The following ATP11C variants were observed in gnomAD, a reference collection of about 807,000 sequenced individuals.
ATP11C encodes the protein phospholipid-transporting ATPase IG.
Under a neutral mutation model 97.4 loss-of-function variants are expected in ATP11C, and 36 were observed. The ratio of observed to expected loss-of-function variants is 0.37; its 90% CI spans 0.28 to 0.49. The LOEUF is 0.49. Among genes scored for constraint, ATP11C ranks in the 20% least tolerant of loss-of-function variants. The pLI is 0.98. For missense variants in ATP11C, 730 were observed against 824.6 expected, an observed-to-expected ratio of 0.89 and a Z score of 1.40; for synonymous variants, 275 against 290.9, an observed-to-expected ratio of 0.95 and a Z score of 0.56.
chrX:139,775,042 T>C, intron 18 of ATP11C, 89 bp from the exon 19 acceptor site: 1 of 949,526 alleles, frequency 1.1e-6, no homozygotes, highest in South Asian at 2.8e-5. Flanking sequence ...TTTTTATAAT[T>C]CACAGCAATT....
rs779081002 is a variant in ATP11C at position 139,787,243 on chromosome X, A to G, written c.1522T>C (p.Tyr508His). The G allele has an allele frequency of 2.6e-6, 3 of 1,160,427 alleles. No homozygotes were observed. The East Asian group carries it at 9.1e-5, about 35-fold the overall frequency. The change falls in exon 15 of 30, where the codon TAC becomes CAC. Residue 508 changes from tyrosine (Y) to histidine (H), a missense_variant and splice_region_variant. Physicochemically the swap from Tyr to His is moderately conservative, Grantham distance 83 (BLOSUM62 2). Transcript: ENST00000682941. The part of the protein sequence containing the change: ...EIALVKGAKR[Y>H]GFTFLGNRNG... ...CGATTTCCTAAAAATGTGAACCCGTACCTATCAAAAACAATAAAAAAGACC... is the reference window on the plus strand; with the variant it reads ...CGATTTCCTAAAAATGTGAACCCGTGCCTATCAAAAACAATAAAAAAGACC...
chrX:139,900,655 C>T (rs1309100973), intron 1 of ATP11C, among the ~76,000 whole-genome samples: 1 of 111,869 alleles, frequency 8.9e-6, no homozygotes, highest in African/African-American at 3.2e-5. Context: ...AGCTTGTTTA[C>T]ATTCCGGGTA....
chrX:139,756,588 T>C (rs940991274), intron 23 of ATP11C, among the ~76,000 whole-genome samples: 1 of 111,653 alleles, frequency 9.0e-6, no homozygotes, highest in African/African-American at 3.3e-5. Context: ...CCATCAATGG[T>C]AGACTGGATA....
At chrX:139,769,677 C>T (rs952206549) in intron 19 of ATP11C, among the ~76,000 whole-genome samples, 2 of 110,737 alleles carry the variant, frequency 1.8e-5, no homozygotes, top group African/African-American at 3.3e-5. Flanking sequence ...AGTTTTGCTC[C>T]GGGGAATCTT....
chrX:139,924,045 G>A (rs1321535637), intron 1 of ATP11C: 1 of 330,266 alleles, frequency 3.0e-6, no homozygotes, highest in African/African-American at 2.6e-5. Context: ...GTATAGAATG[G>A]GATGAAGTGA....
At chrX:139,766,446 T>C (rs1187273695) in intron 20 of ATP11C, among the ~76,000 whole-genome samples, 1 of 111,738 alleles carries the variant, frequency 8.9e-6, no homozygotes, top group Non-Finnish European at 1.9e-5. Context: ...TTTTGAATAG[T>C]GTATTCTGGT....
chrX:139,752,166 C>T (rs1429391544), intron 23 of ATP11C, among the ~76,000 whole-genome samples: 2 of 111,198 alleles, frequency 1.8e-5, no homozygotes, highest in African/African-American at 6.6e-5. Context: ...ATCAGAGAGA[C>T]CTTTTCAGAT....
At chrX:139,745,223 T>C (rs1373616046) in intron 25 of ATP11C, among the ~76,000 whole-genome samples, 1 of 111,431 alleles carries the variant, frequency 9.0e-6, no homozygotes, top group African/African-American at 3.3e-5. Flanking sequence ...GGGAAGACAC[T>C]GGCAGGACCA....
chrX:139,843,403 C>G (rs2083863705), intron 1 of ATP11C, among the ~76,000 whole-genome samples: 2 of 111,978 alleles, frequency 1.8e-5, no homozygotes, highest in African/African-American at 3.2e-5. Flanking sequence ...CATTTGAGAT[C>G]ACCAAGGGTC....
intron 4 of ATP11C, 21 bp from the exon 5 acceptor site, chrX:139,815,006 T>C (rs1569468644): frequency 3.2e-6 from 3 of 923,726 alleles, no homozygotes; most frequent in East Asian, 3.3e-5. Flanking sequence ...AAAATAACTA[T>C]ATAATTGAGT....
upstream of ATP11C, among the ~76,000 whole-genome samples, chrX:139,936,063 G>A (rs958791916): frequency 1.8e-5 from 2 of 110,429 alleles, no homozygotes; most frequent in Non-Finnish European, 3.8e-5. Context: ...TTTGGAAGGC[G>A]AAGGTAGGAG....
At chrX:139,916,897 C>G (rs2085163526) in intron 1 of ATP11C, among the ~76,000 whole-genome samples, 1 of 111,379 alleles carries the variant, frequency 9.0e-6, no homozygotes, top group Non-Finnish European at 1.9e-5. Flanking sequence ...ATCAAAACCA[C>G]GTGACACTGG....
At chrX:139,928,803 A>G (rs1026897919) in intron 1 of ATP11C, among the ~76,000 whole-genome samples, 7 of 111,857 alleles carry the variant, frequency 6.3e-5, no homozygotes, top group African/African-American at 2.3e-4. Context: ...TTCATGTATC[A>G]AAGGTCTAGA....
chrX:139,822,446 C>T (rs745468916), intron 2 of ATP11C, among the ~76,000 whole-genome samples: 231 of 110,810 alleles, frequency 2.1e-3, no homozygotes, highest in Non-Finnish European at 3.2e-3. Flanking sequence ...CAGAGTCTCA[C>T]TCTGTCACCC....
intron 19 of ATP11C, among the ~76,000 whole-genome samples, chrX:139,773,400 C>T (rs1170440698): frequency 2.7e-5 from 3 of 111,072 alleles, no homozygotes; most frequent in African/African-American, 6.6e-5. Flanking sequence ...CAGCAGAGGG[C>T]GGCCATTTGC....
chrX:139,815,481 T>C (rs925732512), intron 4 of ATP11C, among the ~76,000 whole-genome samples: 1 of 111,568 alleles, frequency 9.0e-6, no homozygotes, highest in Non-Finnish European at 1.9e-5. Flanking sequence ...CAAGCAAGGA[T>C]TGTTTTGGCA....
At chrX:139,913,766 C>G (rs1400896632) in intron 1 of ATP11C, among the ~76,000 whole-genome samples, 1 of 111,590 alleles carries the variant, frequency 9.0e-6, no homozygotes, top group East Asian at 2.8e-4. Flanking sequence ...GGACTCAGCC[C>G]GCCTGCACCC....
chrX:139,836,195 G>A (rs191921255), intron 1 of ATP11C, among the ~76,000 whole-genome samples: 5 of 110,098 alleles, frequency 4.5e-5, no homozygotes, highest in African/African-American at 6.6e-5. Context: ...TAATACACAC[G>A]AGAAGACAAT....
upstream of ATP11C, among the ~76,000 whole-genome samples, chrX:139,934,481 G>T (rs1389566784): frequency 1.8e-5 from 2 of 108,860 alleles, no homozygotes; most frequent in Admixed American, 2.0e-4. Context: ...TGACAAAAGA[G>T]ATCTAAAGTT....
Sources: allele counts gnomAD v4.1 joint callset (sites outside exome capture counted in the v4.1 genomes callset), GRCh38; gene constraint gnomAD v4.1.1; transcripts MANE v1.5; gene names NCBI Gene and HGNC (gene_info 2026-07-23, HGNC 2026-07-21).